The following ESYT3 variants were observed in gnomAD, a reference collection of about 807,000 sequenced individuals.
ESYT3 encodes the protein extended synaptotagmin-3.
ESYT3 carries 101 observed loss-of-function variants against 111.5 expected under a neutral mutation model. That is an observed-to-expected ratio of 0.91 (90% CI 0.77 to 1.07). The LOEUF (loss-of-function observed/expected upper bound fraction) is 1.07, where lower values mean the gene tolerates loss of function less well. ESYT3 is among the 50% of genes least tolerant of loss of function. The probability of loss-of-function intolerance (pLI) is 0.00; values close to 1 mark genes in which losing one functional copy is unlikely to be tolerated. For synonymous variants in ESYT3, 416 were observed against 446.8 expected, an observed-to-expected ratio of 0.93 and a Z score of 0.87; for missense variants, 1,097 against 1,109.4, an observed-to-expected ratio of 0.99 and a Z score of 0.16.
Position 138,474,545 on chromosome 3 carries a change from C to T in ESYT3, c.2468+193C>T. 4 of 516,720 alleles carry T rather than the reference C, an allele frequency of 7.7e-6. No individual in the cohort carries two copies. In the East Asian group the frequency reaches 1.4e-4, roughly 18 times the overall value. 32.0% of individuals were successfully genotyped at this position (516,720 alleles called of 1,614,324 possible). A position where few individuals can be genotyped will look rare whatever the true frequency, so the allele number is the denominator to read the frequency against. On this transcript the variant is annotated intron_variant, in intron 20 of 22. Coordinates refer to ENST00000389567, the MANE Select transcript of ESYT3 (RefSeq NM_031913.5). ...TGCCAGAGAAGTTTATCAAAATGGC[C>T]ACCTACATTTACTGCTCATAGAGGC...
chr3:138,461,562 A>C (rs1046820235), intron 7 of ESYT3, among the ~76,000 whole-genome samples: 1 of 152,178 alleles, frequency 6.6e-6, no homozygotes, highest in African/African-American at 2.4e-5. Context: ...GGACAAAGGG[A>C]ATCCAGGCAT....
intron 1 of ESYT3, among the ~76,000 whole-genome samples, chr3:138,447,899 A>G (rs2031649892): frequency 6.6e-6 from 1 of 152,118 alleles, no homozygotes; most frequent in South Asian, 2.1e-4. Context: ...TAGATTGACA[A>G]GCTGATTCTA....
intron 1 of ESYT3, among the ~76,000 whole-genome samples, chr3:138,441,549 G>T (rs1252014321): frequency 6.6e-6 from 1 of 152,130 alleles, no homozygotes; most frequent in Non-Finnish European, 1.5e-5. Context: ...GGTATGAGCT[G>T]CCCCCTGAAG....
intron 2 of ESYT3, 84 bp from the exon 3 acceptor site, chr3:138,455,110 G>A: frequency 6.5e-7 from 1 of 1,533,762 alleles, no homozygotes; most frequent in Non-Finnish European, 8.9e-7. Flanking sequence ...AGGCTGCAGA[G>A]AATCAGGACC....
chr3:138,470,134 G>C lies in ESYT3; in HGVS notation c.1578G>C (p.Arg526=). The C allele has an allele frequency of 6.2e-7, 1 of 1,612,044 alleles. No homozygotes were observed. Among genetic ancestry groups the C allele is most frequent in the South Asian group, 1.1e-5 (1 of 90,952 alleles). Residue 526 remains arginine (R), a synonymous_variant, in exon 16 of 23, where the codon CGG becomes CGC. Transcript: ENST00000389567. ...TTGTGCACAATGTGGCCACTGAGCG[G>C]CTCCATCTGAAGGTTTGATGGAAGA... The part of the protein sequence containing the change: ...SFFVHNVATE[R]LHLKVLDDDQ...
At chr3:138,465,215 G>C (rs1200755648) in intron 9 of ESYT3, 124 bp from the exon 10 acceptor site, 2 of 635,210 alleles carry the variant, frequency 3.1e-6, no homozygotes, top group Non-Finnish European at 5.6e-6. Context: ...CTTATGGGTG[G>C]GGTTCTTGAG....
At chr3:138,439,426 C>T (rs1041504527) in intron 1 of ESYT3, among the ~76,000 whole-genome samples, 3 of 152,142 alleles carry the variant, frequency 2.0e-5, no homozygotes, top group South Asian at 2.1e-4. Flanking sequence ...GTGCTGCCCG[C>T]GCTAGAGCTG....
In ESYT3 at chr3:138,462,357, A is replaced by G; in HGVS notation, c.915+151A>G. On this transcript the variant is annotated intron_variant, in intron 8 of 22. Coordinates refer to ENST00000389567, the MANE Select transcript of ESYT3 (RefSeq NM_031913.5). The stretch of plus-strand genomic sequence containing the variant: ...AAACACCATCGCCCACGTCATAATT[A>G]CTAAAGACATTTTGTCCTTGGGGTG... 5.4e-6 allele frequency: 6 copies of G among 1,106,790 alleles called. No homozygotes were observed. In the South Asian group the frequency reaches 9.2e-5, roughly 17 times the overall value. The allele number at this position is 1,106,790 out of a possible 1,614,324, so 68.6% of individuals were successfully genotyped here.
Position 138,478,616 on chromosome 3 carries a change from G to A in ESYT3, c.*1762G>A, listed in dbSNP as rs1456750133. On this transcript the variant is annotated 3_prime_UTR_variant, in exon 23 of 23. Coordinates refer to ENST00000389567, the MANE Select transcript of ESYT3 (RefSeq NM_031913.5). ...TAAACCACAAACATTTATTTTAAAC[G>A]TGGTCAATTGAACCGTTTTTACCTG... The A allele has an allele frequency of 2.0e-5, 3 of 152,106 alleles. No individual in the cohort carries two copies. The highest frequency in any genetic ancestry group is 2.9e-5 in the Non-Finnish European group (2 of 68,020). The allele number at this position is 152,106 out of a possible 1,614,324, so 9.4% of individuals were successfully genotyped here. A position where few individuals can be genotyped will look rare whatever the true frequency, so the allele number is the denominator to read the frequency against.
chr3:138,460,242 G>A (rs1441601066), intron 6 of ESYT3, among the ~76,000 whole-genome samples: 2 of 152,182 alleles, frequency 1.3e-5, no homozygotes, highest in Non-Finnish European at 2.9e-5. Flanking sequence ...GCTCAGAGAA[G>A]GTCACACAGA....
At chr3:138,452,723 C>A (rs905941807) in intron 2 of ESYT3, among the ~76,000 whole-genome samples, 2 of 152,196 alleles carry the variant, frequency 1.3e-5, no homozygotes, top group African/African-American at 4.8e-5. Flanking sequence ...CCAGACCTGT[C>A]CCTAACTGTG....
chr3:138,477,013 T>G lies in ESYT3; in HGVS notation c.*159T>G. ...ATACAATTCTTGTGTGGAATTTAAC[T>G]CCATGACTGAATAGCATAAGGAAGA... On this transcript the variant is annotated 3_prime_UTR_variant, in exon 23 of 23. Coordinates refer to ENST00000389567, the MANE Select transcript of ESYT3 (RefSeq NM_031913.5). The G allele has an allele frequency of 1.9e-6, 1 of 520,624 alleles. No individual in the cohort carries two copies. Among genetic ancestry groups the G allele is most frequent in the East Asian group, 3.2e-5 (1 of 30,788 alleles). 32.3% of individuals were successfully genotyped at this position (520,624 alleles called of 1,614,324 possible).
rs533480375 is a variant in ESYT3 at position 138,467,693 on chromosome 3, C to T, written c.1218+84C>T. ...GCTCCAGCAGCTTGCTTCAGCCCAGCTATTCCTATGCTGTGGTCCCCCTCT... is the reference window on the plus strand; with the variant it reads ...GCTCCAGCAGCTTGCTTCAGCCCAGTTATTCCTATGCTGTGGTCCCCCTCT... On this transcript the variant is annotated intron_variant, in intron 11 of 22. Coordinates refer to ENST00000389567, the MANE Select transcript of ESYT3 (RefSeq NM_031913.5). The T allele has an allele frequency of 7.8e-4, 1,021 of 1,304,046 alleles. 1 individual carries two copies. The highest frequency in any genetic ancestry group is 1.0e-3 in the Non-Finnish European group (949 of 915,690). 80.8% of individuals were successfully genotyped at this position (1,304,046 alleles called of 1,614,324 possible).
rs1040519431 is a variant in ESYT3, at chr3:138,478,551, A to G, written c.*1697A>G. 6 of 152,210 alleles carry G rather than the reference A, an allele frequency of 3.9e-5. No homozygotes were observed. Among genetic ancestry groups the G allele is most frequent in the Non-Finnish European group, 7.3e-5 (5 of 68,042 alleles). 9.4% of individuals were successfully genotyped at this position (152,210 alleles called of 1,614,324 possible). On this transcript the variant is annotated 3_prime_UTR_variant, in exon 23 of 23. Transcript: ENST00000389567. ...AGCAACCCTAAAACAGCTAATCAAA[A>G]TGGCAGATAAGTGAAAACCTACCCC...
chr3:138,470,680 C>CT, intron 16 of ESYT3, 197 bp from the exon 17 acceptor site: 1 of 1,406,910 alleles, frequency 7.1e-7, no homozygotes, highest in Non-Finnish European at 9.2e-7. Flanking sequence ...TGCCTCTACT[C>CT]TGAGTCACTA....
chr3:138,456,580 G>A (rs147998749), intron 3 of ESYT3, among the ~76,000 whole-genome samples: 18 of 152,282 alleles, frequency 1.2e-4, no homozygotes, highest in Admixed American at 2.0e-4. Context: ...GTCAGCAGCC[G>A]GGAGCTGCCG....
chr3:138,438,970 C>T (rs1206718029), intron 1 of ESYT3, among the ~76,000 whole-genome samples: 3 of 152,232 alleles, frequency 2.0e-5, no homozygotes, highest in Non-Finnish European at 4.4e-5. Flanking sequence ...GCTCCTCTCA[C>T]ACAGTGTTTA....
intron 17 of ESYT3, among the ~76,000 whole-genome samples, chr3:138,471,507 T>C (rs575731452): frequency 4.6e-5 from 7 of 152,256 alleles, no homozygotes; most frequent in Non-Finnish European, 8.8e-5. Context: ...TCTTCTCATG[T>C]TTATATTCCA....
At chr3:138,476,129 T>A in intron 20 of ESYT3, 94 bp from the exon 21 acceptor site, 1 of 809,110 alleles carries the variant, frequency 1.2e-6, no homozygotes, top group Non-Finnish European at 2.1e-6. Context: ...AGTCTGTACC[T>A]TTCTGTTTTA....
Sources: allele counts gnomAD v4.1 joint callset (sites outside exome capture counted in the v4.1 genomes callset), GRCh38; gene constraint gnomAD v4.1.1; transcripts MANE v1.5; gene names NCBI Gene and HGNC (gene_info 2026-07-23, HGNC 2026-07-21).